SLC30A3: variants seen among roughly 807,000 people sequenced by gnomAD.
SLC30A3 encodes the protein solute carrier family 30 member 3.
In SLC30A3, 20 loss-of-function variants were observed where a neutral mutation model predicts 35.6. The ratio of observed to expected loss-of-function variants is 0.56; its 90% confidence interval spans 0.39 to 0.82. SLC30A3 has a LOEUF of 0.82. SLC30A3 is among the 40% of genes least tolerant of loss of function. SLC30A3 has a pLI of 0.00. For synonymous variants in SLC30A3, 217 were observed against 224.7 expected, an observed-to-expected ratio of 0.97 and a Z score of 0.31; for missense variants, 401 against 530.6, an observed-to-expected ratio of 0.76 and a Z score of 2.40.
At chr2:27,273,848 T>C (rs982377509) in intron 1 of SLC30A3, among the ~76,000 whole-genome samples, 2 of 151,706 alleles carry the variant, frequency 1.3e-5, no homozygotes, top group Non-Finnish European at 2.9e-5. Flanking sequence ...ATGAGCTGGT[T>C]TGTTCTGCTA....
chr2:27,254,959 C>T lies in SLC30A3; in HGVS notation c.*353G>A. The T allele has an allele frequency of 1.2e-6, 1 of 822,988 alleles. No individual in the cohort carries two copies. The highest frequency in any genetic ancestry group is 1.8e-5 in the South Asian group (1 of 55,474). 51.0% of individuals were successfully genotyped at this position (822,988 alleles called of 1,614,324 possible). ...CAGGCAGATGCCCCCAGCCAGCCAG[C>T]CTGCCACACAGACAAATGGACTGCA... On this transcript the variant is annotated 3_prime_UTR_variant, in exon 8 of 8. Coordinates refer to ENST00000233535, the MANE Select transcript of SLC30A3 (RefSeq NM_003459.5).
intron 1 of SLC30A3, among the ~76,000 whole-genome samples, chr2:27,259,817 T>G (rs566397840): frequency 6.6e-6 from 1 of 152,164 alleles, no homozygotes; most frequent in Admixed American, 6.5e-5. Flanking sequence ...TCTGAGAGCT[T>G]TTGGTGAACA....
rs139070020 is a variant in SLC30A3 at position 27,254,737 on chromosome 2, A to G, written c.*575T>C. The G allele has an allele frequency of 3.2e-3, 672 of 210,826 alleles. 3 individuals carry two copies. Among genetic ancestry groups the G allele is most frequent in the African/African-American group, 0.011 (469 of 41,914 alleles). The allele number at this position is 210,826 out of a possible 1,614,324, so 13.1% of individuals were successfully genotyped here. The stretch of plus-strand genomic sequence containing the variant: ...ATAGCACAGCCACATAGGCACAGAG[A>G]CACACAGGCCACAGCACCAAGAACA... On this transcript the variant is annotated 3_prime_UTR_variant, in exon 8 of 8. Coordinates refer to ENST00000233535, the MANE Select transcript of SLC30A3 (RefSeq NM_003459.5).
chr2:27,262,776 GC>G lies in SLC30A3; in HGVS notation c.95+35del. On this transcript the variant is annotated intron_variant, in intron 1 of 7. Coordinates refer to ENST00000233535, the MANE Select transcript of SLC30A3 (RefSeq NM_003459.5). The surrounding 1 kb of genome is among the most constrained non-coding windows in gnomAD (Gnocchi z 7.5). ...AATGGACGGAGGGTAGTAGGGTGGC[GC>G]CCCCGGGCCGAGGGCCAGCCCAGGT... is the stretch of plus-strand genomic sequence containing the variant. 8 of 1,486,566 alleles carry G rather than the reference GC, an allele frequency of 5.4e-6. No individual in the cohort carries two copies. The highest frequency in any genetic ancestry group is 2.7e-5 in the Admixed American group (1 of 36,586). 92.1% of individuals were successfully genotyped at this position (1,486,566 alleles called of 1,614,324 possible).
upstream of SLC30A3, among the ~76,000 whole-genome samples, chr2:27,266,985 T>C (rs1200210667): frequency 1.1e-5 from 1 of 87,628 alleles, no homozygotes; most frequent in East Asian, 2.6e-4. Context: ...ACATGTCAGC[T>C]TGACATCCCT....
rs1186893092 is a variant in SLC30A3, at chr2:27,262,216, C to G, written c.95+596G>C. 6.6e-6 allele frequency: 1 copy of G among 152,158 alleles called. No individual in the cohort carries two copies. The highest frequency in any genetic ancestry group is 3.4e-3 in the Middle Eastern group (1 of 294). The allele number at this position is 152,158 out of a possible 1,614,324, so 9.4% of individuals were successfully genotyped here. A position where few individuals can be genotyped will look rare whatever the true frequency, so the allele number is the denominator to read the frequency against. ...CTCGCCGCCCCCGGCCCCGTCTGTG[C>G]GGAGCCGGGAATACCCCCGCTGCCC... On this transcript the variant is annotated intron_variant, in intron 1 of 7. Transcript: ENST00000233535. The surrounding 1 kb of genome is among the most constrained non-coding windows in gnomAD (Gnocchi z 7.5).
intron 1 of SLC30A3, among the ~76,000 whole-genome samples, chr2:27,259,469 G>A (rs1006543862): frequency 3.3e-5 from 5 of 150,980 alleles, no homozygotes; most frequent in Admixed American, 2.6e-4. Context: ...CTCCAGCCTG[G>A]CAACAGAGTG....
rs1339959465 is a variant in SLC30A3 at position 27,271,228 on chromosome 2, T to G, written c.-159+3949A>C. Among the ~76,000 whole-genome samples, 1 of 152,200 alleles carries G rather than the reference T, an allele frequency of 6.6e-6. No homozygotes were observed. The highest frequency in any genetic ancestry group is 1.5e-5 in the Non-Finnish European group (1 of 68,032). On this transcript the variant is annotated intron_variant, in intron 1 of 5. Coordinates refer to the SLC30A3 transcript ENST00000424577. This position sits in a 1 kb window ranked among gnomAD's most constrained non-coding sequence, Gnocchi z 4.3. Reference sequence around the variant, plus strand: ...GCATATGTTCCAGAGCGTGGTATTTTGGGTATAAATATGCCAATGTCTGCT... The same window carrying G: ...GCATATGTTCCAGAGCGTGGTATTTGGGGTATAAATATGCCAATGTCTGCT...
At chr2:27,261,479 G>T (rs1046381865) in intron 1 of SLC30A3, among the ~76,000 whole-genome samples, 5 of 152,164 alleles carry the variant, frequency 3.3e-5, no homozygotes, top group African/African-American at 1.2e-4. Flanking sequence ...GGCTTTGGGG[G>T]CAGTGGGCAA....
chr2:27,256,891 A>G lies in SLC30A3; in HGVS notation c.780T>C (p.Pro260=), dbSNP rs760618628. ...TGATGGGGTCGGCTGCCTTGTATTG[A>G]GGCTGCAGAGAAAGAGACCCCTAAG... is the stretch of plus-strand genomic sequence containing the variant. ...LAASILIYFK[P]QYKAADPIST... Residue 260 remains proline, a splice_region_variant and synonymous_variant, in exon 6 of 8, where the codon CCT becomes CCC. Transcript: ENST00000233535. The G allele has an allele frequency of 6.2e-7, 1 of 1,603,546 alleles. No homozygotes were observed. Among genetic ancestry groups the G allele is most frequent in the Non-Finnish European group, 8.5e-7 (1 of 1,175,802 alleles).
rs2148136068 is a variant in SLC30A3 at position 27,262,734 on chromosome 2, G to A, written c.95+78C>T. 1.5e-6 allele frequency: 2 copies of A among 1,361,392 alleles called. No homozygotes were observed. Among genetic ancestry groups the A allele is most frequent in the South Asian group, 1.6e-5 (1 of 62,548 alleles). The allele number at this position is 1,361,392 out of a possible 1,614,324, so 84.3% of individuals were successfully genotyped here. ...CGCTGGGGCGGCCGCCGGGGCCCGC[G>A]CCGAGAGAGACAACGAAATGGACGG... On this transcript the variant is annotated intron_variant, in intron 1 of 7. Transcript: ENST00000233535. The surrounding 1 kb of genome is among the most constrained non-coding windows in gnomAD (Gnocchi z 7.5).
At chr2:27,273,150 A>G (rs1367407146) in intron 1 of SLC30A3, among the ~76,000 whole-genome samples, 2 of 150,894 alleles carry the variant, frequency 1.3e-5, no homozygotes, top group Non-Finnish European at 3.0e-5. Flanking sequence ...AGGTGAGGAG[A>G]GAGGAGTAGA....
chr2:27,260,038 G>A (rs1677099682), intron 1 of SLC30A3, among the ~76,000 whole-genome samples: 1 of 152,160 alleles, frequency 6.6e-6, no homozygotes. Context: ...GGCACGCCAA[G>A]GCAGTATGAA....
chr2:27,262,893 GGA>G lies in SLC30A3; in HGVS notation c.12_13del (p.Pro5SerfsTer38). 1 of 1,558,686 alleles carries G rather than the reference GGA, an allele frequency of 6.4e-7. No individual in the cohort carries two copies. Among genetic ancestry groups the G allele is most frequent in the Non-Finnish European group, 8.6e-7 (1 of 1,159,664 alleles). ...AGTGGTCTCCAAGCCCCCAGCGGCT[GGA>G]GAGGGCTCCATGTTCCCGGTGCCCC... On this transcript the variant is annotated frameshift_variant, in exon 1 of 8. Coordinates refer to ENST00000233535, the MANE Select transcript of SLC30A3 (RefSeq NM_003459.5). LOFTEE classifies it high-confidence loss of function. The surrounding 1 kb of genome is among the most constrained non-coding windows in gnomAD (Gnocchi z 7.5).
rs371140945 is a variant in SLC30A3, at chr2:27,256,498, G to A, written c.906C>T (p.Phe302=). Reference sequence around the variant, plus strand: ...ACAACAGCGTATCCCGCACAGGTTCGAACCCCACATTGCGGGGGGTACCTG... The same window carrying A: ...ACAACAGCGTATCCCGCACAGGTTCAAACCCCACATTGCGGGGGGTACCTG... ...LMEGTPRNVG[F]EPVRDTLLSV... The change falls in exon 7 of 8, where the codon TTC becomes TTT. Residue 302 remains phenylalanine, a synonymous_variant. Coordinates refer to ENST00000233535, the MANE Select transcript of SLC30A3 (RefSeq NM_003459.5). 144 of 1,613,972 alleles carry A rather than the reference G, an allele frequency of 8.9e-5. 2 individuals are homozygous for A. Among genetic ancestry groups the A allele is most frequent in the South Asian group, 8.6e-4 (78 of 91,066 alleles).
chr2:27,259,159 A>G, intron 1 of SLC30A3: 1 of 452,598 alleles, frequency 2.2e-6, no homozygotes, highest in Non-Finnish European at 3.9e-6. Flanking sequence ...AGAATTTCAC[A>G]GCTGGAAAGC....
Position 27,255,843 on chromosome 2 carries a change from G to A in SLC30A3, c.1019-383C>T. The A allele has an allele frequency of 4.4e-6, 1 of 225,668 alleles. No homozygotes were observed. Among genetic ancestry groups the A allele is most frequent in the Non-Finnish European group, 8.8e-6 (1 of 113,982 alleles). The allele number at this position is 225,668 out of a possible 1,614,324, so 14.0% of individuals were successfully genotyped here. ...TTATAATATTTTTGGCATACAAATT[G>A]CATGACTCTGATTGCTTCTTGCATC... On this transcript the variant is annotated intron_variant, in intron 7 of 7. Transcript: ENST00000233535. The surrounding 1 kb of genome is among the most constrained non-coding windows in gnomAD (Gnocchi z 5.2).
At chr2:27,259,908 G>A (rs1677091029) in intron 1 of SLC30A3, among the ~76,000 whole-genome samples, 1 of 152,216 alleles carries the variant, frequency 6.6e-6, no homozygotes, top group Admixed American at 6.5e-5. Context: ...TCAGGGTTCT[G>A]AGGATGGAGG....
At chr2:27,268,722 C>CAA (rs760800564) in intron 1 of SLC30A3, among the ~76,000 whole-genome samples, 1 of 99,934 alleles carries the variant, frequency 1.0e-5, no homozygotes, top group Non-Finnish European at 2.2e-5. Context: ...GACTCTGTCT[C>CAA]AAAAAAAAAA....
Sources: allele counts gnomAD v4.1 joint callset (sites outside exome capture counted in the v4.1 genomes callset), GRCh38; gene constraint gnomAD v4.1.1; non-coding constraint Gnocchi (gnomAD v3.1); transcripts MANE v1.5; gene names NCBI Gene and HGNC (gene_info 2026-07-23, HGNC 2026-07-21).